Variants in HPD observed in about 807,000 individuals in gnomAD.
The protein encoded by HPD is 4-hydroxyphenylpyruvic acid oxidase.
A neutral mutation model predicts 56.9 loss-of-function variants in HPD; 35 were observed. That is an observed-to-expected ratio of 0.62 (90% CI 0.47 to 0.82). The LOEUF (loss-of-function observed/expected upper bound fraction) is 0.82. Ranked by LOEUF, HPD falls within the 40% of genes least tolerant of loss-of-function variation. The probability of loss-of-function intolerance (pLI) is 0.00; values close to 1 mark genes in which losing one functional copy is unlikely to be tolerated. For synonymous variants in HPD, 186 were observed against 200.2 expected (o/e 0.93, Z 0.60); for missense variants, 442 against 506.8 (o/e 0.87, Z 1.23).
intron 7 of HPD, among the ~76,000 whole-genome samples, chr12:121,852,794 C>T (rs1877854741): frequency 1.3e-5 from 2 of 151,896 alleles, no homozygotes; most frequent in Admixed American, 1.3e-4. Context: ...ACCACCATGC[C>T]TGGCTAACTT....
chr12:121,858,925 C>T, upstream of HPD: 1 of 1,410,966 alleles, frequency 7.1e-7, no homozygotes, highest in Non-Finnish European at 1.0e-6. Flanking sequence ...CCTGGCCTAC[C>T]TGGGGGATGG....
chr12:121,855,736 A>G (rs1372165764), intron 6 of HPD, among the ~76,000 whole-genome samples: 3 of 151,792 alleles, frequency 2.0e-5, no homozygotes, highest in Non-Finnish European at 2.9e-5. Context: ...CACAAAAGAA[A>G]GAAAAAGAAA....
At position 121,846,935 on chromosome 12, in the gene HPD, TG is replaced by T; in HGVS notation, c.760-3del. The stretch of plus-strand genomic sequence containing the variant: ...GCCCCCGTTATAGTCCACATATTCC[TG>T]GGGGAGGGAAACAAGGAGACCACTG... On this transcript the variant is annotated splice_polypyrimidine_tract_variant and splice_region_variant and intron_variant, in intron 10 of 13. Transcript: ENST00000289004. The T allele has an allele frequency of 1.9e-6, 3 of 1,614,110 alleles. No individual in the cohort carries two copies. Among genetic ancestry groups the T allele is most frequent in the Non-Finnish European group, 2.5e-6 (3 of 1,179,988 alleles).
the HPD span, among the ~76,000 whole-genome samples, chr12:121,887,804 GC>G: frequency 6.6e-6 from 1 of 152,088 alleles, no homozygotes; most frequent in Non-Finnish European, 1.5e-5. Flanking sequence ...AAGTTTTCAG[GC>G]CAGTTGTTTT....
At chr12:121,865,235 T>C (rs935934123), upstream of HPD, among the ~76,000 whole-genome samples, 6 of 151,132 alleles carry the variant, frequency 4.0e-5, no homozygotes, top group African/African-American at 1.5e-4. Context: ...GCCAGTGCAC[T>C]CTAACCTGGG....
the HPD span, among the ~76,000 whole-genome samples, chr12:121,878,676 CTTTT>C: frequency 1.5e-5 from 2 of 135,490 alleles, no homozygotes; most frequent in Admixed American, 7.5e-5. Context: ...GTTTTTCGTT[CTTTT>C]TTTTTTTTTT....
Position 121,847,096 on chromosome 12 carries a change from G to C in HPD, c.715C>G (p.Pro239Ala). 1 of 1,614,154 alleles carries C rather than the reference G, an allele frequency of 6.2e-7. No individual in the cohort carries two copies. Among genetic ancestry groups the C allele is most frequent in the Non-Finnish European group, 8.5e-7 (1 of 1,180,036 alleles). Residue 239 changes from proline to alanine, a missense_variant, in exon 10 of 14, where the codon CCC becomes GCC. Transcript: ENST00000289004. The part of the protein sequence containing the change: ...VANYEESIKM[P>A]INEPAPGKKK... ...TTGCCAGGCGCTGGCTCATTGATGG[G>C]CATCTTGATGGACTCTTCATAGTTG... is the stretch of plus-strand genomic sequence containing the variant.
At chr12:121,853,825 T>C (rs550191115) in intron 7 of HPD, among the ~76,000 whole-genome samples, 9 of 151,016 alleles carry the variant, frequency 6.0e-5, no homozygotes, top group Admixed American at 2.0e-4. Context: ...ATGCCTGTAA[T>C]CCCCAGGAGG....
chr12:121,849,490 C>T (rs745768383), intron 8 of HPD, among the ~76,000 whole-genome samples, 197 bp downstream of exon 8: 4 of 151,964 alleles, frequency 2.6e-5, no homozygotes, highest in Non-Finnish European at 4.4e-5. Context: ...GGGATTTGAA[C>T]CCGGGGAAGT....
intron 7 of HPD, among the ~76,000 whole-genome samples, chr12:121,850,823 C>T (rs1167722546): frequency 6.6e-6 from 1 of 150,484 alleles, no homozygotes; most frequent in African/African-American, 2.4e-5. Flanking sequence ...CTCAGCCTCC[C>T]AAATAGCTGG....
the HPD span, among the ~76,000 whole-genome samples, chr12:121,881,700 G>T: frequency 1.3e-5 from 2 of 151,536 alleles, no homozygotes; most frequent in African/African-American, 2.4e-5. Flanking sequence ...AGTCTGGAGT[G>T]CAGTGGTGCG....
At chr12:121,855,906 G>A (rs541173358) in intron 6 of HPD, among the ~76,000 whole-genome samples, 22 of 143,238 alleles carry the variant, frequency 1.5e-4, no homozygotes, top group Admixed American at 4.4e-4. Flanking sequence ...GGAGGCAGAA[G>A]TTGCGGTGAG....
intron 11 of HPD, among the ~76,000 whole-genome samples, chr12:121,845,438 T>C (rs1406707481): frequency 7.0e-6 from 1 of 143,610 alleles, no homozygotes; most frequent in African/African-American, 2.9e-5. Flanking sequence ...CTACTAAAAA[T>C]ACAAAAAAAA....
chr12:121,874,185 C>T, the HPD span: 1 of 152,200 alleles, frequency 6.6e-6, no homozygotes, highest in Non-Finnish European at 1.5e-5. Flanking sequence ...TTTCTCCTCT[C>T]ATTTTGCAGA....
chr12:121,859,675 G>A (rs989980107), upstream of HPD, among the ~76,000 whole-genome samples: 1 of 152,238 alleles, frequency 6.6e-6, no homozygotes, highest in Non-Finnish European at 1.5e-5. Flanking sequence ...GGTAAGAGCA[G>A]AGCCCCAAAC....
At chr12:121,863,607 G>A (rs577514669), upstream of HPD, 23 of 152,248 alleles carry the variant, frequency 1.5e-4, no homozygotes, top group African/African-American at 5.5e-4. Flanking sequence ...CTACAGAAAT[G>A]ATCAGAATGA....
At chr12:121,884,995 T>C in the HPD span, among the ~76,000 whole-genome samples, 1 of 151,794 alleles carries the variant, frequency 6.6e-6, no homozygotes, top group Non-Finnish European at 1.5e-5. Context: ...TTCAAGCGAT[T>C]CTCTCCTGCC....
rs932127773 is a variant in HPD at position 121,849,067 on chromosome 12, G to T, written c.528C>A (p.Cys176Ter). The T allele has an allele frequency of 6.2e-7, 1 of 1,613,512 alleles. No homozygotes were observed. Among genetic ancestry groups the T allele is most frequent in the South Asian group, 1.1e-5 (1 of 91,078 alleles). The change falls in exon 9 of 14, where the codon TGC (cysteine) becomes TGA (stop). Residue 176 changes from cysteine (C) to a stop codon, truncating the protein, a stop_gained. Transcript: ENST00000289004. LOFTEE classifies it high-confidence loss of function. ...MDPLLPKLPK[C>*]SLEMIDHIVG... ...CAATGTGGTCGATCATCTCCAGACT[G>T]CATTTGGGCCTGGGAAGGGAAGAAG... is the stretch of plus-strand genomic sequence containing the variant.
the HPD span, among the ~76,000 whole-genome samples, chr12:121,869,108 C>T: frequency 6.6e-6 from 1 of 151,974 alleles, no homozygotes; most frequent in Non-Finnish European, 1.5e-5. Flanking sequence ...AATCCTAGCA[C>T]TTTGGGAGGC....
Sources: gnomAD v4.1 joint callset for allele counts (sites outside exome capture counted in the v4.1 genomes callset) on GRCh38, gnomAD v4.1.1 for gene constraint, MANE v1.5 for transcripts, NCBI Gene and HGNC (gene_info 2026-07-23, HGNC 2026-07-21) for gene names.